ZNF254: variants seen among roughly 807,000 people sequenced by gnomAD.
ZNF254 encodes zinc finger protein 254, also known as CTD-2017D11.1.
In ZNF254, 10 loss-of-function variants were observed where a neutral mutation model predicts 12.4. The ratio of observed to expected loss-of-function variants is 0.80; its 90% CI spans 0.50 to 1.36. The LOEUF (loss-of-function observed/expected upper bound fraction) is 1.36. Ranked by LOEUF, ZNF254 falls within the 40% of genes most tolerant of loss-of-function variation. The probability of loss-of-function intolerance (pLI) is 0.00; values close to 1 mark genes in which losing one functional copy is unlikely to be tolerated. For missense variants in ZNF254, 996 were observed against 763.9 expected, an observed-to-expected ratio of 1.30 and a Z score of -3.58; for synonymous variants, 305 against 253.4, an observed-to-expected ratio of 1.20 and a Z score of -1.93.
chr19:24,089,418 A>G (rs570392005), intron 1 of ZNF254, among the ~76,000 whole-genome samples: 2 of 151,890 alleles, frequency 1.3e-5, no homozygotes, highest in Admixed American at 6.5e-5. Flanking sequence ...TTTTTCTTCT[A>G]TCTTCCCTAG....
intron 2 of ZNF254, among the ~76,000 whole-genome samples, chr19:24,055,679 A>T (rs1970825562): frequency 6.6e-6 from 1 of 152,154 alleles, no homozygotes; most frequent in African/African-American, 2.4e-5. Context: ...CACCTAGAGG[A>T]AGTCAAAGGT....
intron 1 of ZNF254, among the ~76,000 whole-genome samples, chr19:24,038,902 C>G (rs903452216): frequency 6.6e-6 from 1 of 152,220 alleles, no homozygotes; most frequent in Non-Finnish European, 1.5e-5. Flanking sequence ...CCTGAAAACT[C>G]AACCAGGTTC....
intron 1 of ZNF254, among the ~76,000 whole-genome samples, chr19:24,034,791 T>G (rs1267691255): frequency 6.6e-6 from 1 of 151,204 alleles, no homozygotes; most frequent in Non-Finnish European, 1.5e-5. Flanking sequence ...GTTACTTTTT[T>G]TTTTTTTTTT....
Position 24,088,964 on chromosome 19 carries a change from C to CTT in ZNF254, c.30+1655_30+1656dup, listed in dbSNP as rs74175785. ...GAGCCATCTCGCCTGGCCAATTAATCTTTTTTTTTTTTTTTTTTTTTTTTT... is the reference window on the plus strand; with the variant it reads ...GAGCCATCTCGCCTGGCCAATTAATCTTTTTTTTTTTTTTTTTTTTTTTTTTT... On this transcript the variant is annotated intron_variant, in intron 1 of 3. Transcript: ENST00000357002. Among the ~76,000 whole-genome samples the CTT allele has an allele frequency of 1.2e-3, 115 of 99,292 alleles. 7 individuals are homozygous for CTT. Among genetic ancestry groups the CTT allele is most frequent in the African/African-American group, 4.1e-3 (76 of 18,690 alleles). 65.1% of individuals were successfully genotyped at this position (99,292 alleles called of 152,430 possible).
intron 1 of ZNF254, among the ~76,000 whole-genome samples, chr19:24,100,071 G>A (rs1329119460): frequency 6.6e-6 from 1 of 152,040 alleles, no homozygotes; most frequent in Non-Finnish European, 1.5e-5. Flanking sequence ...TGTCTATTTG[G>A]TGTCTATAGT....
rs1811311278 is a variant in ZNF254 at position 24,126,893 on chromosome 19, A to G, written c.893A>G (p.Glu298Gly). The G allele has an allele frequency of 6.2e-7, 1 of 1,613,674 alleles. No homozygotes were observed. The highest frequency in any genetic ancestry group is 8.5e-7 in the Non-Finnish European group (1 of 1,179,790). ...GGAGAGAAACCTTACAAGTGTGAAGAATGTGGCAAAGCATTTATCTGGTCC... is the reference window on the plus strand; with the variant it reads ...GGAGAGAAACCTTACAAGTGTGAAGGATGTGGCAAAGCATTTATCTGGTCC... ...HTGEKPYKCEECGKAFIWSST... is the reference protein window; with the variant it reads ...HTGEKPYKCEGCGKAFIWSST... Residue 298 changes from glutamate to glycine, a missense_variant, in exon 4 of 4, where the codon GAA becomes GGA. Physicochemically the swap from Glu to Gly is moderately conservative, Grantham distance 98 (BLOSUM62 -2). Coordinates refer to ENST00000357002, the MANE Select transcript of ZNF254 (RefSeq NM_203282.4).
chr19:24,078,783 A>AG (rs1340126343), intron 2 of ZNF254: 1 of 152,178 alleles, frequency 6.6e-6, no homozygotes. Context: ...ACAGTTGCAC[A>AG]GGTGTCTCTG....
intron 1 of ZNF254, among the ~76,000 whole-genome samples, chr19:24,042,380 C>CT (rs1246025121): frequency 6.6e-6 from 1 of 152,184 alleles, no homozygotes; most frequent in Non-Finnish European, 1.5e-5. Context: ...CCCGAGCCAG[C>CT]ATTGGCAACC....
At chr19:24,056,826 C>T (rs1011298150) in intron 2 of ZNF254, among the ~76,000 whole-genome samples, 1 of 152,190 alleles carries the variant, frequency 6.6e-6, no homozygotes, top group African/African-American at 2.4e-5. Context: ...GGAAATTTAA[C>T]ATATCCCTGA....
upstream of ZNF254, among the ~76,000 whole-genome samples, chr19:24,084,860 T>C (rs2145605060): frequency 6.6e-6 from 1 of 152,026 alleles, no homozygotes; most frequent in Middle Eastern, 3.4e-3. Flanking sequence ...TTCCTGGGCT[T>C]AAGCAGTCTT....
At chr19:24,108,223 G>C (rs1156312313) in intron 3 of ZNF254, among the ~76,000 whole-genome samples, 2 of 152,198 alleles carry the variant, frequency 1.3e-5, no homozygotes, top group African/African-American at 4.8e-5. Context: ...CTGCAGGCCT[G>C]CCAGCATGGC....
chr19:24,127,236 C>G lies in ZNF254; in HGVS notation c.1236C>G (p.Gly412=). Residue 412 remains glycine, a synonymous_variant, in exon 4 of 4, where the codon GGC becomes GGG. Coordinates refer to ENST00000357002, the MANE Select transcript of ZNF254 (RefSeq NM_203282.4). ...GEKLYKCEEC[G]KGFNRSSNLT... is the part of the protein sequence containing the mutation. ...AACTCTACAAATGTGAAGAATGCGG[C>G]AAAGGTTTTAATCGATCTTCAAATC... 6.2e-7 allele frequency: 1 copy of G among 1,612,794 alleles called. No homozygotes were observed. The highest frequency in any genetic ancestry group is 8.5e-7 in the Non-Finnish European group (1 of 1,179,532).
intron 2 of ZNF254, among the ~76,000 whole-genome samples, chr19:24,072,474 A>G (rs546458535): frequency 8.3e-4 from 127 of 152,158 alleles, no homozygotes; most frequent in Non-Finnish European, 1.0e-4. Context: ...GCCACGCCTT[A>G]TTACCCTCCT....
At chr19:24,065,156 C>T (rs1971224660) in intron 2 of ZNF254, among the ~76,000 whole-genome samples, 1 of 152,166 alleles carries the variant, frequency 6.6e-6, no homozygotes, top group Non-Finnish European at 1.5e-5. Context: ...TATCCATCAC[C>T]TGGGAGATGA....
At chr19:24,072,516 A>T (rs571357101) in intron 2 of ZNF254, among the ~76,000 whole-genome samples, 7 of 152,132 alleles carry the variant, frequency 4.6e-5, no homozygotes, top group Non-Finnish European at 1.0e-4. Flanking sequence ...GTATTAAGAC[A>T]TATTTCTGGG....
chr19:24,049,214 A>ATATATATATATATT (rs1160333151), intron 2 of ZNF254, among the ~76,000 whole-genome samples: 9 of 40,862 alleles, frequency 2.2e-4, no homozygotes, highest in African/African-American at 4.1e-4. Context: ...ATATATATAT[A>ATATATATATATATT]TTTTTTTTTT....
chr19:24,091,673 A>G (rs1972392572), intron 1 of ZNF254, among the ~76,000 whole-genome samples: 1 of 151,888 alleles, frequency 6.6e-6, no homozygotes, highest in African/African-American at 2.4e-5. Context: ...TTGTATTTTT[A>G]GTAGAGATGG....
intron 2 of ZNF254, among the ~76,000 whole-genome samples, chr19:24,062,438 ACT>A (rs1971112543): frequency 6.6e-6 from 1 of 151,908 alleles, no homozygotes; most frequent in Non-Finnish European, 1.5e-5. Flanking sequence ...AGTGGTGAGG[ACT>A]CTCCTCTCTG....
intron 3 of ZNF254, chr19:24,107,127 T>C: frequency 1.9e-6 from 1 of 516,928 alleles, no homozygotes; most frequent in Non-Finnish European, 3.4e-6. Context: ...AGTTTGAAAG[T>C]ACAAAGTAGG....
Sources: gnomAD v4.1 joint callset for allele counts (sites outside exome capture counted in the v4.1 genomes callset) on GRCh38, gnomAD v4.1.1 for gene constraint, MANE v1.5 for transcripts, NCBI Gene and HGNC (gene_info 2026-07-23, HGNC 2026-07-21) for gene names.